The following HACE1 variants were observed in gnomAD, a reference collection of about 807,000 sequenced individuals.
HACE1 encodes E3 ubiquitin-protein ligase HACE1.
HACE1 carries 73 observed loss-of-function variants against 118.4 expected under a neutral mutation model. The observed-to-expected ratio is 0.62, with a 90% confidence interval of 0.51 to 0.75. The LOEUF is 0.75. Ranked by LOEUF, HACE1 falls within the 30% of genes least tolerant of loss-of-function variation. The pLI is 0.00. For synonymous variants in HACE1, 368 were observed against 374.8 expected, an observed-to-expected ratio of 0.98 and a Z score of 0.21; for missense variants, 749 against 1,102.2, an observed-to-expected ratio of 0.68 and a Z score of 4.54.
intron 1 of HACE1, among the ~76,000 whole-genome samples, chr6:104,853,889 T>C (rs1428780163): frequency 6.6e-6 from 1 of 152,190 alleles, no homozygotes; most frequent in Non-Finnish European, 1.5e-5. Flanking sequence ...TATGATTTTT[T>C]TCCCTACATG....
intron 2 of HACE1, among the ~76,000 whole-genome samples, chr6:104,851,471 T>C (rs2114307234): frequency 6.6e-6 from 1 of 152,292 alleles, no homozygotes; most frequent in Admixed American, 6.5e-5. Flanking sequence ...CTCAGTATCA[T>C]CCAAAAACCA....
intron 6 of HACE1, among the ~76,000 whole-genome samples, chr6:104,821,331 CA>C: frequency 6.6e-6 from 1 of 151,664 alleles, no homozygotes; most frequent in East Asian, 1.9e-4. Flanking sequence ...CCCCTGAACT[CA>C]AAATAAAAGT....
intron 19 of HACE1, among the ~76,000 whole-genome samples, chr6:104,763,912 T>C (rs1463281517): frequency 6.6e-6 from 1 of 151,948 alleles, no homozygotes; most frequent in Non-Finnish European, 1.5e-5. Context: ...TAGCCAGGTG[T>C]GGTGGTAGGC....
At chr6:104,807,386 C>T (rs1024688203) in intron 7 of HACE1, among the ~76,000 whole-genome samples, 20 of 152,112 alleles carry the variant, frequency 1.3e-4, no homozygotes, top group African/African-American at 4.8e-4. Flanking sequence ...CGAGTTGCTT[C>T]GCAGTAGCTA....
At chr6:104,830,713 G>C (rs1325671908) in intron 6 of HACE1, among the ~76,000 whole-genome samples, 2 of 150,722 alleles carry the variant, frequency 1.3e-5, no homozygotes. Flanking sequence ...ACTTTGAGTT[G>C]GTTTTGTTGT....
intron 6 of HACE1, among the ~76,000 whole-genome samples, chr6:104,818,694 A>G (rs1002367382): frequency 6.6e-6 from 1 of 152,204 alleles, no homozygotes; most frequent in Non-Finnish European, 1.5e-5. Context: ...ATAATCAAGT[A>G]GGCTTCAACC....
chr6:104,844,597 C>G (rs923641492), intron 4 of HACE1, among the ~76,000 whole-genome samples: 1 of 151,798 alleles, frequency 6.6e-6, no homozygotes, highest in Non-Finnish European at 1.5e-5. Flanking sequence ...CACCCCCACC[C>G]CCCCAAGCCT....
At chr6:104,796,553 CA>C (rs1582512872) in intron 9 of HACE1, 101 bp downstream of exon 9, 1 of 717,162 alleles carries the variant, frequency 1.4e-6, no homozygotes, top group East Asian at 2.7e-5. Flanking sequence ...ATATTTGTGA[CA>C]ATAAGCAAAA....
intron 3 of HACE1, 74 bp downstream of exon 3, chr6:104,850,833 T>C (rs1582780459): frequency 3.3e-6 from 3 of 912,618 alleles, no homozygotes; most frequent in Non-Finnish European, 5.6e-6. Context: ...AGAAATATTG[T>C]GTGATAATGC....
intron 5 of HACE1, among the ~76,000 whole-genome samples, chr6:104,840,791 C>T (rs1448228834): frequency 1.3e-5 from 2 of 152,154 alleles, no homozygotes; most frequent in Admixed American, 1.3e-4. Context: ...TGGAGAAACC[C>T]CGTCTCTACT....
intron 6 of HACE1, among the ~76,000 whole-genome samples, chr6:104,829,304 A>T (rs1469363581): frequency 2.6e-5 from 4 of 152,126 alleles, no homozygotes; most frequent in Non-Finnish European, 4.4e-5. Flanking sequence ...ATCCTATAAC[A>T]TCATATTTCA....
chr6:104,804,192 C>T (rs928357902), intron 7 of HACE1, among the ~76,000 whole-genome samples: 1 of 152,168 alleles, frequency 6.6e-6, no homozygotes, highest in African/African-American at 2.4e-5. Context: ...GAACTACAAA[C>T]CACTGCTCAA....
chr6:104,747,587 C>A (rs556138049), intron 20 of HACE1, among the ~76,000 whole-genome samples: 3 of 151,908 alleles, frequency 2.0e-5, no homozygotes, highest in South Asian at 4.2e-4. Flanking sequence ...ACTCATGCCA[C>A]CAAGCAGCAG....
chr6:104,826,434 T>C (rs1773338802), intron 6 of HACE1, among the ~76,000 whole-genome samples: 1 of 152,220 alleles, frequency 6.6e-6, no homozygotes, highest in African/African-American at 2.4e-5. Flanking sequence ...GGATTTTCTA[T>C]GATTTGGATT....
chr6:104,760,306 A>G (rs919016991), intron 19 of HACE1, among the ~76,000 whole-genome samples: 2 of 152,242 alleles, frequency 1.3e-5, no homozygotes, highest in African/African-American at 4.8e-5. Flanking sequence ...TCAATAAAAT[A>G]CCGGCAAACC....
chr6:104,749,363 A>T (rs1777792191), intron 20 of HACE1, among the ~76,000 whole-genome samples: 2 of 152,100 alleles, frequency 1.3e-5, no homozygotes, highest in Non-Finnish European at 2.9e-5. Context: ...AAAACCTCAA[A>T]ACTTACATTT....
At chr6:104,747,233 G>A (rs1236657837) in intron 20 of HACE1, among the ~76,000 whole-genome samples, 1 of 151,898 alleles carries the variant, frequency 6.6e-6, no homozygotes, top group Non-Finnish European at 1.5e-5. Flanking sequence ...GTATTCATAG[G>A]CATCAGCTTA....
intron 11 of HACE1, chr6:104,786,606 A>T (rs1782431709): frequency 2.1e-5 from 3 of 143,536 alleles, no homozygotes; most frequent in Admixed American, 6.9e-5. Flanking sequence ...ACTGTCTCCA[A>T]AAAAAAAAAA....
At chr6:104,836,938 C>T (rs1403539873) in intron 5 of HACE1, among the ~76,000 whole-genome samples, 1 of 152,032 alleles carries the variant, frequency 6.6e-6, no homozygotes, top group Non-Finnish European at 1.5e-5. Flanking sequence ...TATATGCTTA[C>T]CAAAACATGC....
Sources: allele counts gnomAD v4.1 joint callset (sites outside exome capture counted in the v4.1 genomes callset), GRCh38; gene constraint gnomAD v4.1.1; transcripts MANE v1.5; gene names NCBI Gene and HGNC (gene_info 2026-07-23, HGNC 2026-07-21).